The following ST3GAL1 variants were observed in gnomAD, a reference collection of about 807,000 sequenced individuals.
The protein encoded by ST3GAL1 is ST3 beta-galactoside alpha-2,3-sialyltransferase 1.
A neutral mutation model predicts 34.1 loss-of-function variants in ST3GAL1; 16 were observed. That is an observed-to-expected ratio of 0.47 (90% CI 0.32 to 0.71). The LOEUF (loss-of-function observed/expected upper bound fraction) is 0.71, where lower values mean the gene tolerates loss of function less well. Among genes scored for constraint, ST3GAL1 ranks in the 30% least tolerant of loss-of-function variants. The pLI is 0.04. For synonymous variants in ST3GAL1, 191 were observed against 184.7 expected, an observed-to-expected ratio of 1.03 and a Z score of -0.28; for missense variants, 353 against 447.4, an observed-to-expected ratio of 0.79 and a Z score of 1.90.
chr8:133,540,908 C>CAT (rs1228587202), intron 2 of ST3GAL1, among the ~76,000 whole-genome samples: 68 of 31,022 alleles, frequency 2.2e-3, no homozygotes, highest in African/African-American at 0.01. Context: ...TATATATAGA[C>CAT]ATATATATAG....
chr8:133,456,082 CTAACCAAATGCTTTGGTGAA>C lies in ST3GAL1; in HGVS notation c.*3662_*3681del. The C allele has an allele frequency of 6.6e-6, 1 of 152,150 alleles. No homozygotes were observed. The highest frequency in any genetic ancestry group is 1.9e-4 in the East Asian group (1 of 5,178). The allele number at this position is 152,150 out of a possible 1,614,324, so 9.4% of individuals were successfully genotyped here. ...TCATATCCAGCTTTTCTCTCTAAGC[CTAACCAAATGCTTTGGTGAA>C]TGATGCTTGGAAAAGCTGGAGTTTT... On this transcript the variant is annotated 3_prime_UTR_variant, in exon 10 of 10. Transcript: ENST00000522652.
intron 3 of ST3GAL1, among the ~76,000 whole-genome samples, chr8:133,498,432 TGCCCATGAACAGCCA>T (rs767200457): frequency 6.6e-6 from 1 of 152,176 alleles, no homozygotes; most frequent in Non-Finnish European, 1.5e-5. Flanking sequence ...CAATGAGCCC[TGCCCATGAACAGCCA>T]GGGCTGGTGT....
At chr8:133,540,898 T>TATATAGACATATATAGAC (rs1563734166) in intron 2 of ST3GAL1, among the ~76,000 whole-genome samples, 1 of 92,506 alleles carries the variant, frequency 1.1e-5, no homozygotes, top group Non-Finnish European at 2.0e-5. Context: ...TATATAGACA[T>TATATAGACATATATAGAC]ATATATAGAC....
At chr8:133,563,683 G>A (rs111318724) in intron 1 of ST3GAL1, among the ~76,000 whole-genome samples, 1 of 152,220 alleles carries the variant, frequency 6.6e-6, no homozygotes, top group Admixed American at 6.5e-5. Flanking sequence ...TCCCCCGTAA[G>A]AGGGTGCACA....
chr8:133,547,373 G>A (rs1019306800), intron 1 of ST3GAL1, among the ~76,000 whole-genome samples: 3 of 152,024 alleles, frequency 2.0e-5, no homozygotes, highest in South Asian at 2.1e-4. Context: ...AGGGTCAAGC[G>A]ATCCTCCCTC....
chr8:133,520,727 T>C (rs541268400), intron 2 of ST3GAL1, among the ~76,000 whole-genome samples: 1 of 152,058 alleles, frequency 6.6e-6, no homozygotes, highest in East Asian at 1.9e-4. Context: ...AATGGCTCAA[T>C]GTGCAGTTTT....
At chr8:133,531,435 C>T (rs1189604841) in intron 2 of ST3GAL1, among the ~76,000 whole-genome samples, 2 of 152,026 alleles carry the variant, frequency 1.3e-5, no homozygotes, top group Non-Finnish European at 2.9e-5. Context: ...GTAACTCTTA[C>T]AATAATCCTA....
chr8:133,523,367 C>T (rs925571781), intron 2 of ST3GAL1, among the ~76,000 whole-genome samples: 2 of 152,190 alleles, frequency 1.3e-5, no homozygotes. Context: ...AGAAGCAGTA[C>T]AGAGATTCCA....
intron 3 of ST3GAL1, 41 bp from the exon 4 acceptor site, chr8:133,476,641 G>A (rs1461831961): frequency 1.3e-5 from 2 of 152,268 alleles, no homozygotes; most frequent in East Asian, 1.9e-4. Flanking sequence ...GAGATTCTGT[G>A]ATCCTGCTAT....
intron 3 of ST3GAL1, among the ~76,000 whole-genome samples, chr8:133,483,983 G>C (rs1816487888): frequency 6.6e-6 from 1 of 152,164 alleles, no homozygotes; most frequent in African/African-American, 2.4e-5. Flanking sequence ...AAGTATCCAA[G>C]ATTTACACAT....
chr8:133,474,958 T>C (rs60160199), intron 5 of ST3GAL1, among the ~76,000 whole-genome samples: 3,688 of 152,284 alleles, frequency 0.024, 132 homozygotes, highest in African/African-American at 0.083. Flanking sequence ...TGCATTTCAA[T>C]AGCTGTAGTG....
chr8:133,512,090 C>T lies in ST3GAL1; in HGVS notation c.-428-12901G>A, dbSNP rs547479521. On this transcript the variant is annotated intron_variant, in intron 2 of 9. Transcript: ENST00000522652. The stretch of plus-strand genomic sequence containing the variant: ...ACAAAAATATTAAGAAGAATTGACT[C>T]ACACCATCACAAGGTAAAGTCCCAT... Among the ~76,000 whole-genome samples the T allele has an allele frequency of 2.0e-5, 3 of 152,186 alleles. No homozygotes were observed. The South Asian group carries it at 6.2e-4, about 32-fold the overall frequency.
In ST3GAL1 at chr8:133,458,597, A is replaced by G. The variant is rs1277772836; in HGVS notation, c.*1167T>C. On this transcript the variant is annotated 3_prime_UTR_variant, in exon 10 of 10. Transcript: ENST00000522652. ...CTGCTGGGTGGTGTTGAGTATCCTCAGAGCTTCGTTGCAATTCAGGTGCTG... is the reference window on the plus strand; with the variant it reads ...CTGCTGGGTGGTGTTGAGTATCCTCGGAGCTTCGTTGCAATTCAGGTGCTG... 6.6e-6 allele frequency: 1 copy of G among 152,292 alleles called. No individual in the cohort carries two copies. Among genetic ancestry groups the G allele is most frequent in the Admixed American group, 6.5e-5 (1 of 15,282 alleles). The allele number at this position is 152,292 out of a possible 1,614,324, so 9.4% of individuals were successfully genotyped here.
intron 2 of ST3GAL1, among the ~76,000 whole-genome samples, chr8:133,529,639 G>T (rs549797973): frequency 6.6e-6 from 1 of 152,148 alleles, no homozygotes; most frequent in Admixed American, 6.5e-5. Context: ...GTCCAGCAAG[G>T]GGCAGTTTTA....
At chr8:133,462,841 C>T (rs1586582137) in intron 8 of ST3GAL1, among the ~76,000 whole-genome samples, 1 of 152,322 alleles carries the variant, frequency 6.6e-6, no homozygotes, top group Admixed American at 6.5e-5. Context: ...CACGGGGAGT[C>T]TTCAATTCTA....
intron 3 of ST3GAL1, among the ~76,000 whole-genome samples, chr8:133,488,663 G>A (rs146269506): frequency 2.6e-5 from 4 of 152,214 alleles, no homozygotes; most frequent in Non-Finnish European, 5.9e-5. Context: ...CGAGCAGAGG[G>A]CGTAAGAGGG....
chr8:133,467,088 C>T lies in ST3GAL1; in HGVS notation c.307-998G>A, dbSNP rs974295116. Among the ~76,000 whole-genome samples, 5 of 148,766 alleles carry T rather than the reference C, an allele frequency of 3.4e-5. No individual in the cohort carries two copies. The highest frequency in any genetic ancestry group is 7.5e-5 in the African/African-American group (3 of 40,102). On this transcript the variant is annotated intron_variant, in intron 5 of 9. Transcript: ENST00000522652. This position sits in a 1 kb window ranked among gnomAD's most constrained non-coding sequence, Gnocchi z 4.2. The stretch of plus-strand genomic sequence containing the variant: ...TCAGCCTGGGTGACAGAGCGAGACT[C>T]CAACTCGAAAAAAAAAAAAAAAAGA...
At chr8:133,488,969 G>A (rs562426752) in intron 3 of ST3GAL1, among the ~76,000 whole-genome samples, 34 of 152,148 alleles carry the variant, frequency 2.2e-4, no homozygotes, top group Admixed American at 6.5e-4. Flanking sequence ...GAGGGAACTG[G>A]GGACAGGCAG....
At chr8:133,547,056 T>C (rs1818693680) in intron 1 of ST3GAL1, among the ~76,000 whole-genome samples, 1 of 149,262 alleles carries the variant, frequency 6.7e-6, no homozygotes, top group African/African-American at 2.5e-5. Context: ...ACAGAAACCC[T>C]CAACTCTTAA....
Sources: gnomAD v4.1 joint callset for allele counts (sites outside exome capture counted in the v4.1 genomes callset) on GRCh38, gnomAD v4.1.1 for gene constraint, Gnocchi (gnomAD v3.1) non-coding constraint, MANE v1.5 for transcripts, NCBI Gene and HGNC (gene_info 2026-07-23, HGNC 2026-07-21) for gene names.